Variants in NAV2 observed in about 807,000 individuals in gnomAD.
NAV2 encodes helicase, APC down-regulated 1.
Under a neutral mutation model 223.2 loss-of-function variants are expected in NAV2, and 54 were observed. That is an observed-to-expected ratio of 0.24 (90% CI 0.19 to 0.30). The LOEUF is 0.30. NAV2 is among the 10% of genes least tolerant of loss of function. The probability of loss-of-function intolerance (pLI) is 1.00; values close to 1 mark genes in which losing one functional copy is unlikely to be tolerated. For synonymous variants in NAV2, 1,279 were observed against 1,239.3 expected (o/e 1.03, Z -0.67); for missense variants, 2,806 against 3,147.5 (o/e 0.89, Z 2.60).
intron 1 of NAV2, among the ~76,000 whole-genome samples, chr11:19,573,542 C>T (rs1244957819): frequency 6.6e-6 from 1 of 152,158 alleles, no homozygotes; most frequent in Non-Finnish European, 1.5e-5. Context: ...TACAGCTGAG[C>T]TTCACTGAGC....
rs573809146 is a variant in NAV2 at position 19,975,649 on chromosome 11, G to A, written c.2646-8476G>A. ...GTGAAAGCAAGACCCAAGCAGTGGT[G>A]AGATTGAGCCTGTGTGCTAAAACTC... On this transcript the variant is annotated intron_variant, in intron 10 of 37. Transcript: ENST00000349880. Among the ~76,000 whole-genome samples, 3 of 152,360 alleles carry A rather than the reference G, an allele frequency of 2.0e-5. No individual in the cohort carries two copies. The South Asian group carries it at 6.2e-4, about 32-fold the overall frequency.
chr11:19,758,594 C>A (rs1297276569), intron 1 of NAV2, among the ~76,000 whole-genome samples: 1 of 152,146 alleles, frequency 6.6e-6, no homozygotes, highest in African/African-American at 2.4e-5. Context: ...CCAGGTGACT[C>A]AGGGAAGGGT....
chr11:19,391,114 G>A (rs4073508), intron 1 of NAV2, among the ~76,000 whole-genome samples: 93,227 of 151,928 alleles, frequency 0.61, 31,025 homozygotes, highest in Admixed American at 0.75. Context: ...CAAAGCTTTC[G>A]TTCTCTAGTG....
chr11:19,380,031 C>T (rs144361906), intron 1 of NAV2, among the ~76,000 whole-genome samples: 4 of 152,036 alleles, frequency 2.6e-5, no homozygotes, highest in East Asian at 3.9e-4. Context: ...GGGATAAATA[C>T]GGCCATGATG....
At chr11:19,452,790 G>A (rs1851833606) in intron 1 of NAV2, among the ~76,000 whole-genome samples, 1 of 152,166 alleles carries the variant, frequency 6.6e-6, no homozygotes, top group South Asian at 2.1e-4. Context: ...TCAAAGTACT[G>A]TTTCTAGTGA....
intron 10 of NAV2, among the ~76,000 whole-genome samples, chr11:19,969,912 C>T (rs1463596506): frequency 6.6e-6 from 1 of 151,034 alleles, no homozygotes; most frequent in Non-Finnish European, 1.5e-5. Flanking sequence ...CACCACTGCA[C>T]TCCAGCCTTG....
intron 1 of NAV2, among the ~76,000 whole-genome samples, chr11:19,359,860 G>A (rs1333402788): frequency 6.6e-6 from 1 of 152,078 alleles, no homozygotes; most frequent in East Asian, 1.9e-4. Flanking sequence ...GGTTCAGCAG[G>A]TCCTTTCTCT....
chr11:19,569,523 C>T (rs994996135), intron 1 of NAV2, among the ~76,000 whole-genome samples: 2 of 152,272 alleles, frequency 1.3e-5, no homozygotes, highest in South Asian at 2.1e-4. Flanking sequence ...ATATCCATCT[C>T]GGTCTGTCCC....
intron 1 of NAV2, among the ~76,000 whole-genome samples, chr11:19,413,756 G>C (rs1374695765): frequency 6.6e-6 from 1 of 152,198 alleles, no homozygotes; most frequent in Non-Finnish European, 1.5e-5. Context: ...CCAGAAGAGA[G>C]TGGGGGCCAA....
chr11:19,538,789 G>A (rs1565029799), intron 1 of NAV2, among the ~76,000 whole-genome samples: 1 of 151,856 alleles, frequency 6.6e-6, no homozygotes, highest in Admixed American at 6.6e-5. Context: ...ACTATTGTAA[G>A]AAATAATATG....
At chr11:19,942,715 T>C (rs1591352668) in intron 8 of NAV2, among the ~76,000 whole-genome samples, 1 of 152,176 alleles carries the variant, frequency 6.6e-6, no homozygotes, top group South Asian at 2.1e-4. Context: ...CTGGGTGCAG[T>C]AGCTATACCT....
intron 1 of NAV2, among the ~76,000 whole-genome samples, chr11:19,450,315 C>A (rs902529576): frequency 1.3e-5 from 2 of 152,164 alleles, no homozygotes; most frequent in Non-Finnish European, 2.9e-5. Flanking sequence ...TGCAGGGCCA[C>A]CTATTCCCTT....
chr11:19,506,150 C>T (rs888655606), intron 1 of NAV2: 3 of 152,314 alleles, frequency 2.0e-5, no homozygotes, highest in Non-Finnish European at 4.4e-5. Context: ...AACTCTTCTG[C>T]ACTTCAGGAT....
chr11:19,399,373 C>T (rs7119326), intron 1 of NAV2, among the ~76,000 whole-genome samples: 56,877 of 152,044 alleles, frequency 0.37, 10,908 homozygotes, highest in East Asian at 0.53. Flanking sequence ...GTAATGCAGG[C>T]GCCTTCCTTC....
chr11:19,631,233 T>C (rs533946721), intron 1 of NAV2, among the ~76,000 whole-genome samples: 92 of 152,162 alleles, frequency 6.0e-4, no homozygotes, highest in South Asian at 4.4e-3. Flanking sequence ...ATTAGGTATA[T>C]CTCCCAATGC....
At chr11:20,115,935 G>A (rs1463562252) in intron 37 of NAV2, among the ~76,000 whole-genome samples, 4 of 151,884 alleles carry the variant, frequency 2.6e-5, no homozygotes, top group African/African-American at 9.7e-5. Context: ...GAAACACCCG[G>A]GCCAATAACA....
upstream of NAV2, among the ~76,000 whole-genome samples, chr11:19,350,015 A>G (rs1191492426): frequency 6.6e-6 from 1 of 152,054 alleles, no homozygotes; most frequent in African/African-American, 2.4e-5. Flanking sequence ...AATTGGGGGA[A>G]AAATATTGAT....
rs2063335470 is a variant in NAV2 at position 20,118,914 on chromosome 11, C to A, written c.*656C>A. 6.5e-6 allele frequency: 1 copy of A among 152,700 alleles called. No homozygotes were observed. The highest frequency in any genetic ancestry group is 1.5e-5 in the Non-Finnish European group (1 of 68,138). The allele number at this position is 152,700 out of a possible 1,614,324, so 9.5% of individuals were successfully genotyped here. A position where few individuals can be genotyped will look rare whatever the true frequency, so the allele number is the denominator to read the frequency against. On this transcript the variant is annotated 3_prime_UTR_variant, in exon 38 of 38. Coordinates refer to ENST00000349880, the MANE Select transcript of NAV2 (RefSeq NM_145117.5). ...TTTCCTTACCCGAGAGGTATTTTGCCTGTTCCAATCAAACCACCCCATTCA... is the reference window on the plus strand; with the variant it reads ...TTTCCTTACCCGAGAGGTATTTTGCATGTTCCAATCAAACCACCCCATTCA...
intron 1 of NAV2, among the ~76,000 whole-genome samples, chr11:19,397,785 C>T (rs1384655756): frequency 6.6e-6 from 1 of 152,030 alleles, no homozygotes; most frequent in African/African-American, 2.4e-5. Flanking sequence ...GTACGTCTCC[C>T]CTCTGGGTCT....
Sources: allele counts gnomAD v4.1 joint callset (sites outside exome capture counted in the v4.1 genomes callset), GRCh38; gene constraint gnomAD v4.1.1; transcripts MANE v1.5; gene names NCBI Gene and HGNC (gene_info 2026-07-23, HGNC 2026-07-21).